The following CAST variants were observed in gnomAD, a reference collection of about 807,000 sequenced individuals.
CAST encodes MIR583 host.
In CAST, 76 loss-of-function variants were observed where a neutral mutation model predicts 119.6. That is an observed-to-expected ratio of 0.64 (90% CI 0.53 to 0.77). CAST has a LOEUF of 0.77. CAST is among the 30% of genes least tolerant of loss of function. The pLI is 0.00. For missense variants in CAST, 953 were observed against 946.5 expected (o/e 1.01, Z -0.09); for synonymous variants, 319 against 331.6 (o/e 0.96, Z 0.41).
the CAST span, among the ~76,000 whole-genome samples, chr5:96,448,223 A>C: frequency 4.4e-3 from 670 of 152,332 alleles, 3 homozygotes; most frequent in African/African-American, 0.016. Context: ...TTAAAGCCTT[A>C]GGTTTGACTC....
chr5:96,557,170 G>T (rs1437759478), intron 1 of CAST, among the ~76,000 whole-genome samples: 1 of 151,980 alleles, frequency 6.6e-6, no homozygotes, highest in Non-Finnish European at 1.5e-5. Flanking sequence ...GAGAGATTTT[G>T]TCACCACCAG....
intron 1 of CAST, among the ~76,000 whole-genome samples, chr5:96,631,983 T>C (rs1427187787): frequency 6.6e-6 from 1 of 152,102 alleles, no homozygotes; most frequent in Non-Finnish European, 1.5e-5. Context: ...AATATTCCAA[T>C]TTGTCCACAT....
the CAST span, among the ~76,000 whole-genome samples, chr5:95,986,031 A>G: frequency 6.6e-6 from 1 of 152,202 alleles, no homozygotes. Context: ...TAGCTCAAAA[A>G]ACCTGTTTTT....
the CAST span, chr5:96,429,109 T>TA: frequency 0.058 from 31,015 of 539,052 alleles, 3 homozygotes; most frequent in South Asian, 0.076. Flanking sequence ...TTGGTCACAA[T>TA]AAAAAAAAAA....
chr5:96,011,888 G>C, the CAST span, among the ~76,000 whole-genome samples: 7 of 152,066 alleles, frequency 4.6e-5, no homozygotes, highest in Admixed American at 6.6e-5. Context: ...CTTAGAGTAA[G>C]ATGCAAATAC....
chr5:96,763,129 CT>C (rs751937086), intron 25 of CAST: 92 of 779,882 alleles, frequency 1.2e-4, no homozygotes, highest in Middle Eastern at 4.5e-4. Flanking sequence ...GCGAAGTCAG[CT>C]ATGCTTCCAT....
the CAST span, among the ~76,000 whole-genome samples, chr5:96,317,309 C>CAAAA: frequency 3.8e-5 from 4 of 104,010 alleles, no homozygotes; most frequent in African/African-American, 1.1e-4. Flanking sequence ...ACCAAAAATA[C>CAAAA]AAAAAAAAAA....
At chr5:96,115,488 A>G in the CAST span, among the ~76,000 whole-genome samples, 364 of 152,272 alleles carry the variant, frequency 2.4e-3, 1 homozygote, top group African/African-American at 8.5e-3. Context: ...CCTCCATTTT[A>G]TAGATGGGGA....
intron 1 of CAST, among the ~76,000 whole-genome samples, chr5:96,636,995 C>T (rs1747895709): frequency 6.6e-6 from 1 of 152,176 alleles, no homozygotes; most frequent in African/African-American, 2.4e-5. Context: ...GAATAGATCA[C>T]AGTCCCCCCT....
chr5:96,199,512 C>T, the CAST span, among the ~76,000 whole-genome samples: 1 of 152,108 alleles, frequency 6.6e-6, no homozygotes, highest in African/African-American at 2.4e-5. Flanking sequence ...ACAGAGGACT[C>T]TCCCAATTCT....
chr5:96,635,595 G>A (rs1747875705), intron 1 of CAST, among the ~76,000 whole-genome samples: 2 of 152,218 alleles, frequency 1.3e-5, no homozygotes, highest in South Asian at 2.1e-4. Flanking sequence ...AGCAACATTC[G>A]CATCAGAAAA....
At chr5:96,168,549 G>A in the CAST span, among the ~76,000 whole-genome samples, 21 of 152,248 alleles carry the variant, frequency 1.4e-4, no homozygotes, top group Admixed American at 2.6e-4. Flanking sequence ...GGGGCAGAGC[G>A]GTAGCCTCAA....
chr5:96,387,298 G>A, the CAST span, among the ~76,000 whole-genome samples: 265 of 152,188 alleles, frequency 1.7e-3, 1 homozygote, highest in African/African-American at 6.3e-3. Flanking sequence ...GTGGCTTTTT[G>A]GTTTCTGTAA....
the CAST span, among the ~76,000 whole-genome samples, chr5:96,003,912 AG>A: frequency 2.0e-5 from 3 of 152,232 alleles, no homozygotes; most frequent in Admixed American, 1.3e-4. Flanking sequence ...AATTATATTC[AG>A]GCGTTTTAAA....
the CAST span, among the ~76,000 whole-genome samples, chr5:96,129,892 T>C: frequency 1.1e-3 from 164 of 152,178 alleles, no homozygotes; most frequent in Non-Finnish European, 1.8e-3. Context: ...CTTTGTTTTT[T>C]TACCCAGAGT....
chr5:96,654,509 T>C (rs1363047363), intron 1 of CAST, among the ~76,000 whole-genome samples: 2 of 152,184 alleles, frequency 1.3e-5, no homozygotes, highest in Admixed American at 1.3e-4. Context: ...GCACTCTCTT[T>C]TTCTCCGATG....
chr5:96,618,195 T>G (rs975746410), intron 1 of CAST, among the ~76,000 whole-genome samples: 23 of 152,192 alleles, frequency 1.5e-4, no homozygotes, highest in Non-Finnish European at 3.1e-4. Context: ...TTGAGCATCT[T>G]AGGATATTCT....
the CAST span, among the ~76,000 whole-genome samples, chr5:96,487,067 G>A: frequency 4.6e-5 from 7 of 151,378 alleles, no homozygotes; most frequent in Admixed American, 6.6e-5. Flanking sequence ...ATGTGAGGGC[G>A]CTTTTGGTTG....
the CAST span, among the ~76,000 whole-genome samples, chr5:96,092,156 T>C: frequency 6.6e-6 from 1 of 152,224 alleles, no homozygotes; most frequent in African/African-American, 2.4e-5. Context: ...CATTTCCTTC[T>C]TGTCTACTCC....
Sources: gnomAD v4.1 joint callset for allele counts (sites outside exome capture counted in the v4.1 genomes callset) on GRCh38, gnomAD v4.1.1 for gene constraint, MANE v1.5 for transcripts, NCBI Gene and HGNC (gene_info 2026-07-23, HGNC 2026-07-21) for gene names.